Variants in THSD7B observed in about 807,000 individuals in gnomAD.
The protein encoded by THSD7B is thrombospondin type 1 domain containing 7B.
In THSD7B, 138 loss-of-function variants were observed where a neutral mutation model predicts 213.6. The observed-to-expected ratio is 0.65, with a 90% CI of 0.56 to 0.74. The LOEUF is 0.74. Among genes scored for constraint, THSD7B ranks in the 30% least tolerant of loss-of-function variants. THSD7B has a pLI of 0.00. For synonymous variants in THSD7B, 742 were observed against 687.0 expected, an observed-to-expected ratio of 1.08 and a Z score of -1.25; for missense variants, 1,931 against 1,991.5, an observed-to-expected ratio of 0.97 and a Z score of 0.58.
chr2:137,623,727 C>CTTCATTTG (rs1416518761), intron 20 of THSD7B, among the ~76,000 whole-genome samples: 2 of 152,170 alleles, frequency 1.3e-5, no homozygotes, highest in African/African-American at 2.4e-5. Flanking sequence ...CTCCCATTCA[C>CTTCATTTG]AATTGCTTCA....
intron 9 of THSD7B, among the ~76,000 whole-genome samples, chr2:137,241,911 GAA>G (rs201903054): frequency 3.8e-5 from 4 of 105,538 alleles, no homozygotes; most frequent in Non-Finnish European, 6.0e-5. Context: ...TCCATCTCAG[GAA>G]AAAAAAAAAA....
At chr2:136,890,382 C>T (rs1573691873) in intron 2 of THSD7B, among the ~76,000 whole-genome samples, 2 of 1,652 alleles carry the variant, frequency 1.2e-3, no homozygotes, top group African/African-American at 4.0e-3. Context: ...TCTTCCTCTT[C>T]CTCTTCCTCT....
intron 15 of THSD7B, among the ~76,000 whole-genome samples, chr2:137,466,428 C>A (rs188920104): frequency 3.3e-5 from 5 of 152,068 alleles, no homozygotes; most frequent in African/African-American, 9.7e-5. Flanking sequence ...TGGCCCAGGA[C>A]GGCTTTAAAT....
intron 6 of THSD7B, among the ~76,000 whole-genome samples, chr2:137,166,441 T>C (rs763060088): frequency 9.9e-5 from 15 of 152,200 alleles, no homozygotes; most frequent in Non-Finnish European, 1.5e-4. Flanking sequence ...TTCAGACATA[T>C]ACTAGAAAGG....
In THSD7B at chr2:137,035,605, G is replaced by A. The variant is rs11903202; in HGVS notation, c.140-20815G>A. Among the ~76,000 whole-genome samples the A allele has an allele frequency of 4.3e-3, 658 of 151,670 alleles. 5 individuals are homozygous for A. Among genetic ancestry groups the A allele is most frequent in the African/African-American group, 0.015 (621 of 41,330 alleles). ...TTCTATCCTGAGATCCTACCAACTT[G>A]TCTAGGGCTCATGATAGGTGGTAGA... On this transcript the variant is annotated intron_variant, in intron 2 of 27. Coordinates refer to ENST00000409968, the MANE Select transcript of THSD7B (RefSeq NM_001316349.2).
chr2:136,993,819 G>T (rs562356287), intron 2 of THSD7B, among the ~76,000 whole-genome samples: 1 of 151,236 alleles, frequency 6.6e-6, no homozygotes, highest in Non-Finnish European at 1.5e-5. Context: ...CAAAGGTGGG[G>T]TCATGTGTGT....
chr2:137,416,525 T>C (rs1686803489), intron 14 of THSD7B, among the ~76,000 whole-genome samples: 1 of 152,226 alleles, frequency 6.6e-6, no homozygotes, highest in African/African-American at 2.4e-5. Context: ...TGAGAGTTCA[T>C]TGAAATTCAT....
At chr2:136,981,006 C>T (rs969694450) in intron 2 of THSD7B, among the ~76,000 whole-genome samples, 14 of 152,058 alleles carry the variant, frequency 9.2e-5, no homozygotes, top group Non-Finnish European at 1.2e-4. Context: ...AGGATTCACT[C>T]GCTGTATTCA....
intron 5 of THSD7B, among the ~76,000 whole-genome samples, chr2:137,152,053 T>G (rs922302913): frequency 1.3e-5 from 2 of 150,882 alleles, no homozygotes; most frequent in African/African-American, 4.9e-5. Context: ...TAAGCAAAAC[T>G]TGAAGAGGAG....
intron 15 of THSD7B, among the ~76,000 whole-genome samples, chr2:137,485,828 G>A (rs1023847051): frequency 8.5e-5 from 13 of 152,136 alleles, no homozygotes; most frequent in African/African-American, 2.9e-4. Context: ...AGAAGAGAGT[G>A]GGGGCCAATA....
intron 2 of THSD7B, among the ~76,000 whole-genome samples, chr2:136,960,259 C>T (rs1296592639): frequency 6.6e-6 from 1 of 152,174 alleles, no homozygotes; most frequent in East Asian, 1.9e-4. Flanking sequence ...TCCTGAGTAG[C>T]TGGGACTATA....
chr2:137,181,064 G>A (rs57756483), intron 7 of THSD7B, among the ~76,000 whole-genome samples: 6,805 of 152,240 alleles, frequency 0.045, 514 homozygotes, highest in African/African-American at 0.15. Context: ...GTGAGTTTAA[G>A]TTAGATATAT....
intron 1 of THSD7B, among the ~76,000 whole-genome samples, chr2:136,850,867 A>C (rs1010117877): frequency 6.6e-6 from 1 of 152,060 alleles, no homozygotes; most frequent in African/African-American, 2.4e-5. Context: ...TAATTTTTAA[A>C]AGCCCTAGTG....
At chr2:137,344,072 A>T (rs1025607604) in intron 12 of THSD7B, among the ~76,000 whole-genome samples, 8 of 151,752 alleles carry the variant, frequency 5.3e-5, no homozygotes. Flanking sequence ...GCCGCATTAG[A>T]TTCTCACAGG....
chr2:137,224,030 T>C (rs1257681075), intron 7 of THSD7B, among the ~76,000 whole-genome samples: 1 of 152,298 alleles, frequency 6.6e-6, no homozygotes, highest in Non-Finnish European at 1.5e-5. Flanking sequence ...CAATTTAACC[T>C]CTTTTCTTTA....
Position 137,303,740 on chromosome 2 carries a change from T to TTATATATA in THSD7B, c.2500+27719_2500+27726dup, listed in dbSNP as rs200952396. On this transcript the variant is annotated intron_variant, in intron 12 of 27. Coordinates refer to ENST00000409968, the MANE Select transcript of THSD7B (RefSeq NM_001316349.2). ...TTTATATATATATTTATATATATAT[T>TTATATATA]TATATATATATACAGATATATAGTT... Among the ~76,000 whole-genome samples the TTATATATA allele has an allele frequency of 2.3e-5, 3 of 129,868 alleles. 1 individual carries two copies. The highest frequency in any genetic ancestry group is 1.0e-4 in the African/African-American group (3 of 30,030). 85.2% of individuals were successfully genotyped at this position (129,868 alleles called of 152,430 possible).
At chr2:136,991,765 T>C (rs188133716) in intron 2 of THSD7B, among the ~76,000 whole-genome samples, 23 of 152,358 alleles carry the variant, frequency 1.5e-4, no homozygotes, top group Middle Eastern at 3.4e-3. Context: ...CCATTAATTT[T>C]TCTTCTGCTT....
intron 12 of THSD7B, among the ~76,000 whole-genome samples, chr2:137,344,863 G>A (rs977338684): frequency 2.6e-5 from 4 of 151,632 alleles, no homozygotes; most frequent in Non-Finnish European, 4.4e-5. Context: ...AGGTCAAGTG[G>A]CAGTGATGAG....
chr2:137,189,407 C>T (rs1680614154), intron 7 of THSD7B, among the ~76,000 whole-genome samples: 1 of 152,162 alleles, frequency 6.6e-6, no homozygotes, highest in South Asian at 2.1e-4. Flanking sequence ...TTTGCTTGTC[C>T]ACATCCATTA....
Sources: gnomAD v4.1 joint callset for allele counts (sites outside exome capture counted in the v4.1 genomes callset) on GRCh38, gnomAD v4.1.1 for gene constraint, MANE v1.5 for transcripts, NCBI Gene and HGNC (gene_info 2026-07-23, HGNC 2026-07-21) for gene names.